PKNOX1: variants seen among roughly 807,000 people sequenced by gnomAD.
PKNOX1 encodes the protein PBX/knotted 1 homeobox 1, also known as homeobox protein PKNOX1.
In PKNOX1, 15 loss-of-function variants were observed where a neutral mutation model predicts 51.9. That is an observed-to-expected ratio of 0.29 (90% CI 0.19 to 0.45). The LOEUF (loss-of-function observed/expected upper bound fraction) is 0.45, where lower values mean the gene tolerates loss of function less well. Ranked by LOEUF, PKNOX1 falls within the 20% of genes least tolerant of loss-of-function variation. PKNOX1 has a pLI of 1.00. For missense variants in PKNOX1, 462 were observed against 547.5 expected (o/e 0.84, Z 1.56); for synonymous variants, 219 against 211.1 (o/e 1.04, Z -0.32).
chr21:43,007,408 C>T (rs1979035199), intron 2 of PKNOX1, 83 bp from the exon 3 acceptor site: 3 of 1,348,784 alleles, frequency 2.2e-6, no homozygotes, highest in East Asian at 2.3e-5. Context: ...CAATTCCCCA[C>T]TCCAACTGCA....
At chr21:43,017,945 C>G in intron 6 of PKNOX1, 188 bp from the exon 7 acceptor site, 1 of 544,698 alleles carries the variant, frequency 1.8e-6, no homozygotes, top group Non-Finnish European at 3.2e-6. Context: ...CGCAGTGCCT[C>G]ACATCTGTAA....
chr21:42,988,487 G>T (rs2059067962), intron 1 of PKNOX1, among the ~76,000 whole-genome samples: 1 of 152,200 alleles, frequency 6.6e-6, no homozygotes, highest in Non-Finnish European at 1.5e-5. Flanking sequence ...GCCTTGCTGT[G>T]ATTGGTATAC....
chr21:43,007,626 C>A lies in PKNOX1; in HGVS notation c.179+8C>A, dbSNP rs764476507. On this transcript the variant is annotated splice_region_variant and intron_variant, in intron 3 of 10. Coordinates refer to ENST00000291547, the MANE Select transcript of PKNOX1 (RefSeq NM_004571.5). ...CAAGCAGGCCATTTATAGGTAGTGC[C>A]CGGGGTGCCGGCTGTGGGGGCCTCA... The A allele has an allele frequency of 1.2e-6, 2 of 1,614,020 alleles. No individual in the cohort carries two copies. The highest frequency in any genetic ancestry group is 3.3e-5 in the Admixed American group (2 of 59,994).
chr21:42,995,305 C>G (rs970836332), intron 1 of PKNOX1, among the ~76,000 whole-genome samples: 4 of 152,138 alleles, frequency 2.6e-5, no homozygotes, highest in Admixed American at 2.0e-4. Flanking sequence ...GGACTCACAG[C>G]TTGCATTTTA....
intron 9 of PKNOX1, among the ~76,000 whole-genome samples, chr21:43,027,019 A>G (rs1980011610): frequency 6.6e-6 from 1 of 152,188 alleles, no homozygotes; most frequent in African/African-American, 2.4e-5. Context: ...AGAGGGGGGC[A>G]TTAAAAAAAG....
intron 8 of PKNOX1, among the ~76,000 whole-genome samples, chr21:43,022,418 A>G (rs1325498880): frequency 3.9e-5 from 6 of 152,108 alleles, no homozygotes; most frequent in Non-Finnish European, 8.8e-5. Context: ...TCAGTTGAGG[A>G]TAGGGTCCAT....
chr21:43,007,404 C>G, intron 2 of PKNOX1, 87 bp from the exon 3 acceptor site: 1 of 1,269,352 alleles, frequency 7.9e-7, no homozygotes, highest in Non-Finnish European at 1.1e-6. Context: ...CTGGCAATTC[C>G]CCACTCCAAC....
chr21:42,992,774 C>T (rs968325141), intron 1 of PKNOX1, among the ~76,000 whole-genome samples: 16 of 143,558 alleles, frequency 1.1e-4, no homozygotes, highest in Admixed American at 3.5e-4. Context: ...TTGGGGGCTT[C>T]CTCACAGCAC....
chr21:42,981,388 G>C (rs1339484419), intron 1 of PKNOX1, among the ~76,000 whole-genome samples: 1 of 152,186 alleles, frequency 6.6e-6, no homozygotes, highest in Non-Finnish European at 1.5e-5. Flanking sequence ...TGCCGGTTTA[G>C]TTACTGTTTC....
intron 1 of PKNOX1, among the ~76,000 whole-genome samples, chr21:42,999,593 G>A (rs1441877219): frequency 2.0e-5 from 3 of 151,862 alleles, no homozygotes; most frequent in South Asian, 4.2e-4. Flanking sequence ...CAATTCTCCC[G>A]CCTCAGCCTC....
chr21:42,997,867 G>A (rs1247246139), intron 1 of PKNOX1, among the ~76,000 whole-genome samples: 1 of 152,192 alleles, frequency 6.6e-6, no homozygotes, highest in Non-Finnish European at 1.5e-5. Flanking sequence ...GAAGCTAAAT[G>A]TGGCGATTGG....
chr21:43,006,491 A>ATTGCTT (rs1403930530), intron 2 of PKNOX1, among the ~76,000 whole-genome samples: 1 of 151,518 alleles, frequency 6.6e-6, no homozygotes, highest in Non-Finnish European at 1.5e-5. Flanking sequence ...CTTAGGCTTT[A>ATTGCTT]TTGCTTTTAT....
intron 1 of PKNOX1, among the ~76,000 whole-genome samples, chr21:42,976,032 G>C (rs775717985): frequency 2.0e-5 from 3 of 152,188 alleles, no homozygotes; most frequent in Non-Finnish European, 2.9e-5. Context: ...ACCCCAATGA[G>C]CCTTTCATCA....
intron 9 of PKNOX1, among the ~76,000 whole-genome samples, chr21:43,026,223 T>G (rs973085719): frequency 7.9e-5 from 12 of 152,234 alleles, no homozygotes; most frequent in Non-Finnish European, 1.5e-4. Flanking sequence ...GCTACTATGT[T>G]ACATTAACGA....
Position 43,032,469 on chromosome 21 carries a change from C to T in PKNOX1, c.*2368C>T, listed in dbSNP as rs1601310445. On this transcript the variant is annotated 3_prime_UTR_variant, in exon 11 of 11. Coordinates refer to ENST00000291547, the MANE Select transcript of PKNOX1 (RefSeq NM_004571.5). ...GTGGATTGAATTTAAGAGTGCTGCC[C>T]CTGCCCGGCGCAGTAGGGCGTGCCT... The T allele has an allele frequency of 7.2e-6, 2 of 279,034 alleles. No homozygotes were observed. The highest frequency in any genetic ancestry group is 6.8e-5 in the South Asian group (2 of 29,424). The allele number at this position is 279,034 out of a possible 1,614,324, so 17.3% of individuals were successfully genotyped here.
chr21:43,022,844 T>C (rs1243781661), intron 8 of PKNOX1, among the ~76,000 whole-genome samples: 1 of 152,078 alleles, frequency 6.6e-6, no homozygotes, highest in Non-Finnish European at 1.5e-5. Context: ...GGAGGTTTAG[T>C]GAAGGATAGG....
At chr21:42,978,861 C>T (rs2059012044) in intron 1 of PKNOX1, among the ~76,000 whole-genome samples, 1 of 152,060 alleles carries the variant, frequency 6.6e-6, no homozygotes, top group African/African-American at 2.4e-5. Context: ...CTCAAGTGGT[C>T]CTCCTGCCTC....
chr21:43,029,699 GGGAT>G (rs1281047370), intron 10 of PKNOX1, among the ~76,000 whole-genome samples, 187 bp from the exon 11 acceptor site: 1 of 152,082 alleles, frequency 6.6e-6, no homozygotes, highest in Admixed American at 6.5e-5. Flanking sequence ...CCAAAGTGCT[GGGAT>G]TACAGGCATG....
intron 9 of PKNOX1, among the ~76,000 whole-genome samples, chr21:43,026,074 C>T (rs1979973121): frequency 6.6e-6 from 1 of 152,138 alleles, no homozygotes; most frequent in African/African-American, 2.4e-5. Flanking sequence ...TATGTGGAAA[C>T]CACATACTTT....
Sources: allele counts gnomAD v4.1 joint callset (sites outside exome capture counted in the v4.1 genomes callset), GRCh38; gene constraint gnomAD v4.1.1; transcripts MANE v1.5; gene names NCBI Gene and HGNC (gene_info 2026-07-23, HGNC 2026-07-21).